Variants in FAM204A observed in about 807,000 individuals in gnomAD.
FAM204A encodes the protein family with sequence similarity 204 member A.
FAM204A carries 16 observed loss-of-function variants against 35.4 expected under a neutral mutation model. The observed-to-expected ratio is 0.45, with a 90% CI of 0.31 to 0.69. FAM204A has a LOEUF of 0.69. FAM204A is among the 30% of genes least tolerant of loss of function. The pLI is 0.07. For synonymous variants in FAM204A, 76 were observed against 86.9 expected (o/e 0.88, Z 0.70); for missense variants, 240 against 265.7 (o/e 0.90, Z 0.67).
intron 3 of FAM204A, 71 bp downstream of exon 3, chr10:118,336,111 C>G: frequency 6.5e-7 from 1 of 1,538,500 alleles, no homozygotes. Flanking sequence ...CACATTCTGA[C>G]CAGGGCAGAG....
intron 7 of FAM204A, among the ~76,000 whole-genome samples, chr10:118,322,873 C>G (rs1846139901): frequency 6.6e-6 from 1 of 152,022 alleles, no homozygotes; most frequent in African/African-American, 2.4e-5. Context: ...CTAAAAGGAA[C>G]ATAGAACCTG....
rs774040360 is a variant in FAM204A, at chr10:118,323,684, C to G, written c.543+2470G>C. 2.0e-5 allele frequency among the ~76,000 whole-genome samples: 3 copies of G among 152,062 alleles called. No individual in the cohort carries two copies. In the South Asian group the frequency reaches 6.2e-4, roughly 31 times the overall value. On this transcript the variant is annotated intron_variant, in intron 7 of 8. Transcript: ENST00000369183. ...TCCCAACCTCACAGGTACTGCCCCT[C>G]TCTACCATTTCCTGACATTTTCATG...
chr10:118,332,535 C>A (rs1846309994), intron 6 of FAM204A, among the ~76,000 whole-genome samples: 1 of 96,524 alleles, frequency 1.0e-5, no homozygotes, highest in African/African-American at 3.4e-5. Context: ...CATCCTAATG[C>A]CCCTCCCTCC....
chr10:118,302,254 A>G lies in FAM204A; in HGVS notation c.*8603T>C, dbSNP rs528543617. 1 of 152,376 alleles carries G rather than the reference A, an allele frequency of 6.6e-6. No individual in the cohort carries two copies. The highest frequency in any genetic ancestry group is 2.4e-5 in the African/African-American group (1 of 41,588). The allele number at this position is 152,376 out of a possible 1,614,324, so 9.4% of individuals were successfully genotyped here. On this transcript the variant is annotated 3_prime_UTR_variant, in exon 9 of 9. Transcript: ENST00000369183. Reference sequence around the variant, plus strand: ...TTTATTGAAATAATGAGAAAAGGAAATGCAGGAAGAGGGATCCATTTCTTC... The same window carrying G: ...TTTATTGAAATAATGAGAAAAGGAAGTGCAGGAAGAGGGATCCATTTCTTC...
In FAM204A at chr10:118,336,219, T is replaced by C; in HGVS notation, c.197A>G (p.Glu66Gly). The change falls in exon 3 of 9, where the codon GAA becomes GGA. Residue 66 changes from glutamate (E) to glycine (G), a missense_variant. Physicochemically the swap from Glu to Gly is moderately conservative, Grantham distance 98. Transcript: ENST00000369183. ...TETESNVNAY[E>G]ECPSGIPIDM... The stretch of plus-strand genomic sequence containing the variant: ...TATGGGAATTCCAGAAGGACACTCT[T>C]CATAGGCATTTACATTTGACTCTGT... 6.2e-7 allele frequency: 1 copy of C among 1,613,918 alleles called. No individual in the cohort carries two copies. Among genetic ancestry groups the C allele is most frequent in the Non-Finnish European group, 8.5e-7 (1 of 1,179,810 alleles).
chr10:118,299,725 G>A lies in FAM204A; in HGVS notation c.*11132C>T, dbSNP rs1468648311. 1 of 152,086 alleles carries A rather than the reference G, an allele frequency of 6.6e-6. No individual in the cohort carries two copies. The highest frequency in any genetic ancestry group is 1.5e-5 in the Non-Finnish European group (1 of 68,022). 9.4% of individuals were successfully genotyped at this position (152,086 alleles called of 1,614,324 possible). On this transcript the variant is annotated 3_prime_UTR_variant, in exon 9 of 9. Transcript: ENST00000369183. ...CATTCCCTAAGGCCGAGGAAAGCTT[G>A]ACAATTATTGGACAACTGGGTTTTC...
chr10:118,306,645 T>G lies in FAM204A; in HGVS notation c.*4212A>C, dbSNP rs1230482718. 1 of 152,230 alleles carries G rather than the reference T, an allele frequency of 6.6e-6. No homozygotes were observed. Among genetic ancestry groups the G allele is most frequent in the Admixed American group, 6.5e-5 (1 of 15,284 alleles). The allele number at this position is 152,230 out of a possible 1,614,324, so 9.4% of individuals were successfully genotyped here. A position where few individuals can be genotyped will look rare whatever the true frequency, so the allele number is the denominator to read the frequency against. On this transcript the variant is annotated 3_prime_UTR_variant, in exon 9 of 9. Coordinates refer to ENST00000369183, the MANE Select transcript of FAM204A (RefSeq NM_022063.3). ...AGGAAGCTACTCTGAAGCATCTCTG[T>G]ATTTGAAGAAATTCCGGAAAGGGAA...
At chr10:118,324,124 T>C (rs1224031596) in intron 7 of FAM204A, among the ~76,000 whole-genome samples, 1 of 152,138 alleles carries the variant, frequency 6.6e-6, no homozygotes, top group African/African-American at 2.4e-5. Flanking sequence ...CAAAATAGAT[T>C]AATAAAATGC....
intron 5 of FAM204A, 78 bp from the exon 6 acceptor site, chr10:118,335,291 T>C (rs1846363105): frequency 1.3e-6 from 2 of 1,549,636 alleles, no homozygotes; most frequent in Non-Finnish European, 1.8e-6. Context: ...GTTACTACAA[T>C]TATACTACAA....
chr10:118,329,495 T>A (rs745747109), intron 6 of FAM204A, among the ~76,000 whole-genome samples: 1 of 152,060 alleles, frequency 6.6e-6, no homozygotes, highest in Non-Finnish European at 1.5e-5. Flanking sequence ...ATATTAATCA[T>A]CCCTTTAGGC....
Position 118,305,579 on chromosome 10 carries a change from G to A in FAM204A, c.*5278C>T, listed in dbSNP as rs1845854410. On this transcript the variant is annotated 3_prime_UTR_variant, in exon 9 of 9. Transcript: ENST00000369183. ...ACCTGTACAGTAAGTATATACTCAG[G>A]TAACTAAAATTTTTAAGTCTACATT... The A allele has an allele frequency of 6.6e-6, 1 of 152,124 alleles. No individual in the cohort carries two copies. Among genetic ancestry groups the A allele is most frequent in the African/African-American group, 2.4e-5 (1 of 41,412 alleles). 9.4% of individuals were successfully genotyped at this position (152,124 alleles called of 1,614,324 possible).
rs1845897003 is a variant in FAM204A at position 118,308,331 on chromosome 10, C to T, written c.*2526G>A. ...GAAGTTTTAGGAACCAAAGTTATTACTGATCCAAAAAGAATCCTTATTTTG... is the reference window on the plus strand; with the variant it reads ...GAAGTTTTAGGAACCAAAGTTATTATTGATCCAAAAAGAATCCTTATTTTG... On this transcript the variant is annotated 3_prime_UTR_variant, in exon 9 of 9. Coordinates refer to ENST00000369183, the MANE Select transcript of FAM204A (RefSeq NM_022063.3). 2 of 152,302 alleles carry T rather than the reference C, an allele frequency of 1.3e-5. No individual in the cohort carries two copies. Among genetic ancestry groups the T allele is most frequent in the South Asian group, 4.1e-4 (2 of 4,828 alleles). The allele number at this position is 152,302 out of a possible 1,614,324, so 9.4% of individuals were successfully genotyped here.
At position 118,326,142 on chromosome 10, in the gene FAM204A, C is replaced by T; in HGVS notation, c.543+12G>A. The T allele has an allele frequency of 6.2e-7, 1 of 1,607,834 alleles. No homozygotes were observed. Among genetic ancestry groups the T allele is most frequent in the Non-Finnish European group, 8.5e-7 (1 of 1,175,992 alleles). On this transcript the variant is annotated intron_variant, in intron 7 of 8. Coordinates refer to ENST00000369183, the MANE Select transcript of FAM204A (RefSeq NM_022063.3). ...TTGAAAATACAGAAAATGTGTAACC[C>T]TTTTGACTCACCTCTCGAGTAGCTA...
intron 2 of FAM204A, among the ~76,000 whole-genome samples, chr10:118,340,488 T>C (rs567816076): frequency 2.0e-5 from 3 of 152,316 alleles, no homozygotes; most frequent in Non-Finnish European, 4.4e-5. Flanking sequence ...ATATTATAAG[T>C]GCCCTAAATG....
intron 6 of FAM204A, among the ~76,000 whole-genome samples, chr10:118,331,457 T>C (rs555488891): frequency 2.0e-3 from 311 of 152,310 alleles, no homozygotes; most frequent in Non-Finnish European, 3.2e-3. Flanking sequence ...GAGGCAACAA[T>C]TGCCAATTAA....
At chr10:118,339,087 A>C (rs1846432105) in intron 2 of FAM204A, among the ~76,000 whole-genome samples, 1 of 152,200 alleles carries the variant, frequency 6.6e-6, no homozygotes, top group Non-Finnish European at 1.5e-5. Flanking sequence ...GGCAAAATTC[A>C]AATCAGGTAG....
intron 5 of FAM204A, 33 bp downstream of exon 5, chr10:118,335,363 C>T (rs556949325): frequency 6.3e-7 from 1 of 1,577,694 alleles, no homozygotes; most frequent in African/African-American, 1.4e-5. Flanking sequence ...CTACAATGGC[C>T]TAAAATAGAT....
chr10:118,329,299 C>T (rs1846250955), intron 6 of FAM204A, among the ~76,000 whole-genome samples: 2 of 152,172 alleles, frequency 1.3e-5, no homozygotes, highest in Non-Finnish European at 2.9e-5. Flanking sequence ...GGCATCATGT[C>T]ATTACCCAGC....
chr10:118,326,911 A>G (rs918396027), intron 6 of FAM204A, among the ~76,000 whole-genome samples: 3 of 152,218 alleles, frequency 2.0e-5, no homozygotes, highest in Admixed American at 1.3e-4. Flanking sequence ...TCTTATGTAT[A>G]TGTTTTTATT....
Sources: allele counts gnomAD v4.1 joint callset (sites outside exome capture counted in the v4.1 genomes callset), GRCh38; gene constraint gnomAD v4.1.1; transcripts MANE v1.5; gene names NCBI Gene and HGNC (gene_info 2026-07-23, HGNC 2026-07-21).